USP34: variants seen among roughly 807,000 people sequenced by gnomAD.
The protein encoded by USP34 is ubiquitin carboxyl-terminal hydrolase 34.
USP34 carries 70 observed loss-of-function variants against 460.3 expected under a neutral mutation model. The ratio of observed to expected loss-of-function variants is 0.15; its 90% CI spans 0.13 to 0.19. USP34 has a LOEUF of 0.19. USP34 is among the 10% of genes least tolerant of loss of function. USP34 has a pLI of 1.00. For missense variants in USP34, 3,985 were observed against 4,236.2 expected, an observed-to-expected ratio of 0.94 and a Z score of 1.65; for synonymous variants, 1,647 against 1,405.3, an observed-to-expected ratio of 1.17 and a Z score of -3.85.
At chr2:61,202,597 G>T (rs373066964) in intron 75 of USP34, among the ~76,000 whole-genome samples, 24 of 152,128 alleles carry the variant, frequency 1.6e-4, no homozygotes, top group African/African-American at 5.8e-4. Flanking sequence ...TTCACTGATG[G>T]TTTTGTTTTC....
rs748287126 is a variant in USP34 at position 61,214,525 on chromosome 2, T to C, written c.8217A>G (p.Lys2739=). 1.2e-6 allele frequency: 2 copies of C among 1,613,512 alleles called. No homozygotes were observed. The highest frequency in any genetic ancestry group is 4.5e-5 in the East Asian group (2 of 44,884). Residue 2739 remains lysine (K), a synonymous_variant, in exon 68 of 80, where the codon AAA becomes AAG. Coordinates refer to ENST00000398571, the MANE Select transcript of USP34 (RefSeq NM_014709.4). ...CATGAACAGCAGCATCAACATAAAG[T>C]TTGGCTCTTGAGAGCAAACCAAGGA... ...NVLLGLLSRA[K]LYVDAAVHGT... is the part of the protein sequence containing the mutation.
chr2:61,197,623 G>T (rs1686846062), intron 75 of USP34, among the ~76,000 whole-genome samples: 1 of 152,116 alleles, frequency 6.6e-6, no homozygotes, highest in African/African-American at 2.4e-5. Flanking sequence ...TTTGAGACAG[G>T]ATTTTGCTCT....
In USP34 at chr2:61,205,278, T is replaced by C. The variant is rs139946680; in HGVS notation, c.9155-677A>G. ...TTAATCTACTTTTAATGTTTTACGA[T>C]GCTGGCTGGACTGATTCTCAATCTC... is the stretch of plus-strand genomic sequence containing the variant. On this transcript the variant is annotated intron_variant, in intron 72 of 79. Transcript: ENST00000398571. Among the ~76,000 whole-genome samples, 421 of 152,326 alleles carry C rather than the reference T, an allele frequency of 2.8e-3. 1 individual carries two copies. The highest frequency in any genetic ancestry group is 9.4e-3 in the African/African-American group (392 of 41,574).
In USP34 at chr2:61,245,304, T is replaced by A; in HGVS notation, c.6549-16A>T. The A allele has an allele frequency of 1.9e-6, 3 of 1,545,464 alleles. No individual in the cohort carries two copies. The highest frequency in any genetic ancestry group is 1.1e-5 in the South Asian group (1 of 86,986). On this transcript the variant is annotated splice_polypyrimidine_tract_variant and intron_variant, in intron 50 of 79. Coordinates refer to ENST00000398571, the MANE Select transcript of USP34 (RefSeq NM_014709.4). ...AAAAAGATACCTAAAATAGAGCATATAGTATTAATCTAGTATGCATATAAT... is the reference window on the plus strand; with the variant it reads ...AAAAAGATACCTAAAATAGAGCATAAAGTATTAATCTAGTATGCATATAAT...
At chr2:61,432,236 G>A (rs1694697081) in intron 1 of USP34, among the ~76,000 whole-genome samples, 1 of 151,886 alleles carries the variant, frequency 6.6e-6, no homozygotes, top group Non-Finnish European at 1.5e-5. Context: ...CACTTTGAGT[G>A]GCCAAGGTGG....
intron 18 of USP34, among the ~76,000 whole-genome samples, chr2:61,335,933 T>TCTTA (rs1240008244): frequency 6.6e-6 from 1 of 152,194 alleles, no homozygotes; most frequent in African/African-American, 2.4e-5. Flanking sequence ...CTTTTTGTTA[T>TCTTA]CTTAGAACAG....
intron 53 of USP34, among the ~76,000 whole-genome samples, chr2:61,241,214 T>C (rs1162508603): frequency 1.3e-5 from 2 of 152,144 alleles, no homozygotes; most frequent in East Asian, 3.9e-4. Flanking sequence ...CGGCTACTTT[T>C]TGTATTTTTT....
chr2:61,329,616 T>C (rs1181670214), intron 20 of USP34, among the ~76,000 whole-genome samples: 1 of 152,126 alleles, frequency 6.6e-6, no homozygotes, highest in South Asian at 2.1e-4. Context: ...CAGTCCAGAA[T>C]ACTAAGCTGA....
chr2:61,285,020 A>C, intron 34 of USP34, 63 bp from the exon 35 acceptor site: 1 of 1,367,390 alleles, frequency 7.3e-7, no homozygotes, highest in Non-Finnish European at 1.0e-6. Context: ...CTCAAAAAGC[A>C]CTCAAGATTT....
intron 1 of USP34, among the ~76,000 whole-genome samples, chr2:61,443,372 C>T (rs1187070442): frequency 6.6e-6 from 1 of 151,926 alleles, no homozygotes; most frequent in East Asian, 1.9e-4. Context: ...TATGTATCAA[C>T]ACATCACTAT....
At chr2:61,413,165 G>A (rs1244401248) in intron 2 of USP34, among the ~76,000 whole-genome samples, 1 of 152,076 alleles carries the variant, frequency 6.6e-6, no homozygotes, top group African/African-American at 2.4e-5. Context: ...GAAGGCTGAG[G>A]CGGGCAGATC....
chr2:61,235,536 G>A (rs932776957), intron 57 of USP34, among the ~76,000 whole-genome samples: 7 of 151,886 alleles, frequency 4.6e-5, no homozygotes, highest in Non-Finnish European at 1.0e-4. Flanking sequence ...ACGTTGGCCA[G>A]GATGGGCTCG....
intron 62 of USP34, among the ~76,000 whole-genome samples, chr2:61,226,476 GTCA>G (rs1687734117): frequency 6.6e-6 from 1 of 151,950 alleles, no homozygotes; most frequent in Non-Finnish European, 1.5e-5. Context: ...CTCTCTCTCT[GTCA>G]TCATAGCATT....
chr2:61,342,160 T>C (rs1434434325), intron 16 of USP34, among the ~76,000 whole-genome samples: 1 of 152,168 alleles, frequency 6.6e-6, no homozygotes, highest in African/African-American at 2.4e-5. Context: ...CAGCTCCACA[T>C]TCTAATGTCA....
At chr2:61,413,897 C>T (rs777713398) in intron 2 of USP34, among the ~76,000 whole-genome samples, 9 of 149,832 alleles carry the variant, frequency 6.0e-5, no homozygotes, top group Non-Finnish European at 1.3e-4. Context: ...CGCCATTGCA[C>T]TCCATCCTGG....
rs1310832349 is a variant in USP34 at position 61,278,198 on chromosome 2, G to A, written c.5400C>T (p.His1800=). The A allele has an allele frequency of 1.2e-6, 2 of 1,613,336 alleles. No individual in the cohort carries two copies. Among genetic ancestry groups the A allele is most frequent in the Non-Finnish European group, 1.7e-6 (2 of 1,179,642 alleles). Residue 1800 remains histidine, a synonymous_variant, in exon 41 of 80, where the codon CAC becomes CAT. Coordinates refer to ENST00000398571, the MANE Select transcript of USP34 (RefSeq NM_014709.4). ...CCCTTGAAAATTTAAAGGGTGGTTT[G>A]TGTTTAACAACACTTGTTGCAAGCC... ...LLRLATSVVK[H]KPPFKFSREG...
At chr2:61,424,341 T>C (rs536690386) in intron 1 of USP34, among the ~76,000 whole-genome samples, 1 of 152,272 alleles carries the variant, frequency 6.6e-6, no homozygotes, top group East Asian at 1.9e-4. Flanking sequence ...CAGTAAAAAT[T>C]ATAACCTTAC....
At chr2:61,195,582 G>C (rs1686776867) in intron 75 of USP34, among the ~76,000 whole-genome samples, 1 of 151,924 alleles carries the variant, frequency 6.6e-6, no homozygotes. Context: ...TGAGGCAGGA[G>C]AATCACTTGA....
chr2:61,336,283 G>A (rs998374548), intron 18 of USP34, among the ~76,000 whole-genome samples: 1 of 151,604 alleles, frequency 6.6e-6, no homozygotes, highest in African/African-American at 2.4e-5. Flanking sequence ...GGGCCACCAT[G>A]CCCAGCTAAT....
Sources: gnomAD v4.1 joint callset for allele counts (sites outside exome capture counted in the v4.1 genomes callset) on GRCh38, gnomAD v4.1.1 for gene constraint, MANE v1.5 for transcripts, NCBI Gene and HGNC (gene_info 2026-07-23, HGNC 2026-07-21) for gene names.